The following UGT2B11 variants were observed in gnomAD, a reference collection of about 807,000 sequenced individuals.
UGT2B11 encodes UDP-glucuronosyltransferase 2B11.
UGT2B11 carries 49 observed loss-of-function variants against 51.7 expected under a neutral mutation model. The ratio of observed to expected loss-of-function variants is 0.95; its 90% CI spans 0.75 to 1.20. The LOEUF is 1.20. Ranked by LOEUF, UGT2B11 falls within the 50% of genes most tolerant of loss-of-function variation. The pLI, the probability that UGT2B11 is intolerant of heterozygous loss-of-function variation, is 0.00. For synonymous variants in UGT2B11, 273 were observed against 209.0 expected, an observed-to-expected ratio of 1.31 and a Z score of -2.64; for missense variants, 810 against 622.1, an observed-to-expected ratio of 1.30 and a Z score of -3.21.
At chr4:69,209,794 T>C (rs1212342869) in intron 2 of UGT2B11, among the ~76,000 whole-genome samples, 2 of 151,562 alleles carry the variant, frequency 1.3e-5, no homozygotes, top group African/African-American at 4.8e-5. Context: ...CAGAGCCTTG[T>C]TTTTCTACTA....
the UGT2B11 span, among the ~76,000 whole-genome samples, chr4:69,223,334 G>C: frequency 6.6e-6 from 1 of 152,096 alleles, no homozygotes; most frequent in Non-Finnish European, 1.5e-5. Flanking sequence ...GGTTATTCCT[G>C]GGACTCATCT....
At chr4:69,214,767 C>G, upstream of UGT2B11, 1 of 1,591,836 alleles carries the variant, frequency 6.3e-7, no homozygotes, top group Non-Finnish European at 8.5e-7. Context: ...GTTTCTTTCT[C>G]ATACTTATAT....
intron 5 of UGT2B11, chr4:69,204,225 C>A: frequency 1.6e-6 from 1 of 617,322 alleles, no homozygotes; most frequent in African/African-American, 1.9e-5. Context: ...AAAATTGCTT[C>A]ACTAACTGGT....
rs192487719 is a variant in UGT2B11, at chr4:69,205,326, A to G, written c.1090+154T>C. Among the ~76,000 whole-genome samples, 269 of 151,952 alleles carry G rather than the reference A, an allele frequency of 1.8e-3. 3 individuals are homozygous for G. Among genetic ancestry groups the G allele is most frequent in the African/African-American group, 6.4e-3 (264 of 41,532 alleles). Reference sequence around the variant, plus strand: ...TGTGATTATATATCATAAAATGCCAACAATTCTACCATATTCTTTTCCCCT... The same window carrying G: ...TGTGATTATATATCATAAAATGCCAGCAATTCTACCATATTCTTTTCCCCT... On this transcript the variant is annotated intron_variant, in intron 4 of 5. Transcript: ENST00000446444.
intron 5 of UGT2B11, 61 bp downstream of exon 5, chr4:69,204,369 C>A: frequency 6.3e-7 from 1 of 1,595,848 alleles, no homozygotes; most frequent in Non-Finnish European, 8.6e-7. Flanking sequence ...AACTCATGCT[C>A]ACTATTGACA....
intron 3 of UGT2B11, 143 bp from the exon 4 acceptor site, chr4:69,205,710 A>C (rs1312416448): frequency 1.2e-5 from 11 of 948,864 alleles, no homozygotes; most frequent in African/African-American, 1.7e-5. Context: ...GAATACTCAC[A>C]TTTTATTTTC....
intron 3 of UGT2B11, among the ~76,000 whole-genome samples, chr4:69,207,905 A>G (rs973293732): frequency 2.6e-5 from 4 of 151,768 alleles, no homozygotes; most frequent in African/African-American, 9.6e-5. Flanking sequence ...TCTTCCTTGT[A>G]TTTCTACAAA....
At chr4:69,218,205 C>T (rs531660075), upstream of UGT2B11, among the ~76,000 whole-genome samples, 5 of 152,212 alleles carry the variant, frequency 3.3e-5, no homozygotes, top group African/African-American at 1.2e-4. Context: ...AGCTTAGAGT[C>T]TACTTCTTGG....
At chr4:69,220,324 G>A in the UGT2B11 span, among the ~76,000 whole-genome samples, 546 of 152,228 alleles carry the variant, frequency 3.6e-3, 1 homozygote, top group Non-Finnish European at 5.7e-3. Flanking sequence ...GGCATTGAAT[G>A]TCTGTGGTTT....
intron 5 of UGT2B11, among the ~76,000 whole-genome samples, chr4:69,202,272 T>C (rs901884657): frequency 6.6e-6 from 1 of 151,794 alleles, no homozygotes; most frequent in Non-Finnish European, 1.5e-5. Flanking sequence ...TATATTTATG[T>C]ATATCTGTTG....
At chr4:69,212,886 T>G (rs774554698) in intron 1 of UGT2B11, among the ~76,000 whole-genome samples, 165 bp from the exon 2 acceptor site, 2 of 150,824 alleles carry the variant, frequency 1.3e-5, no homozygotes, top group East Asian at 3.9e-4. Flanking sequence ...ATTATATATT[T>G]TGTCCATGTT....
At chr4:69,208,645 G>A (rs1234214607) in intron 2 of UGT2B11, among the ~76,000 whole-genome samples, 163 bp from the exon 3 acceptor site, 1 of 151,556 alleles carries the variant, frequency 6.6e-6, no homozygotes, top group Non-Finnish European at 1.5e-5. Flanking sequence ...GCAAGAAGAT[G>A]TTTGAGATAG....
chr4:69,212,792 T>A (rs1722122229), intron 1 of UGT2B11, 71 bp from the exon 2 acceptor site: 2 of 1,516,592 alleles, frequency 1.3e-6, no homozygotes, highest in East Asian at 5.0e-5. Flanking sequence ...CTGAAAAAGG[T>A]TAGAACAATG....
At chr4:69,216,504 A>C (rs2109958632), upstream of UGT2B11, 1 of 151,794 alleles carries the variant, frequency 6.6e-6, no homozygotes, top group South Asian at 2.1e-4. Flanking sequence ...GTTCTGAGCA[A>C]GTTCATCAAG....
intron 2 of UGT2B11, among the ~76,000 whole-genome samples, chr4:69,208,737 T>G (rs1721951204): frequency 6.6e-6 from 1 of 151,640 alleles, no homozygotes; most frequent in Non-Finnish European, 1.5e-5. Flanking sequence ...AGGAAAGAAA[T>G]GGAGCTATTA....
At chr4:69,211,603 C>T (rs1490327808) in intron 2 of UGT2B11, among the ~76,000 whole-genome samples, 4 of 151,420 alleles carry the variant, frequency 2.6e-5, no homozygotes, top group African/African-American at 9.7e-5. Flanking sequence ...AGTGTTTTGT[C>T]TGTTTTAATA....
intron 3 of UGT2B11, 151 bp from the exon 4 acceptor site, chr4:69,205,718 T>A: frequency 1.1e-6 from 1 of 902,098 alleles, no homozygotes; most frequent in Non-Finnish European, 1.6e-6. Context: ...ACATTTTATT[T>A]TCTTAACTTT....
intron 5 of UGT2B11, among the ~76,000 whole-genome samples, 184 bp from the exon 6 acceptor site, chr4:69,200,903 A>G (rs1444362582): frequency 1.3e-5 from 2 of 151,810 alleles, no homozygotes; most frequent in Non-Finnish European, 2.9e-5. Flanking sequence ...GACTTTTCTC[A>G]TTGACAAACA....
At chr4:69,219,969 C>T in the UGT2B11 span, among the ~76,000 whole-genome samples, 272 of 152,242 alleles carry the variant, frequency 1.8e-3, 3 homozygotes, top group African/African-American at 6.4e-3. Flanking sequence ...GTCCACAGTC[C>T]AGAGTCTCAT....
Sources: gnomAD v4.1 joint callset for allele counts (sites outside exome capture counted in the v4.1 genomes callset) on GRCh38, gnomAD v4.1.1 for gene constraint, MANE v1.5 for transcripts, NCBI Gene and HGNC (gene_info 2026-07-23, HGNC 2026-07-21) for gene names.